CXCL14: variants seen among roughly 807,000 people sequenced by gnomAD.
CXCL14 encodes C-X-C motif chemokine 14.
CXCL14 carries 9 observed loss-of-function variants against 16.1 expected under a neutral mutation model. The observed-to-expected ratio is 0.56, with a 90% CI of 0.34 to 0.97. CXCL14 has a LOEUF of 0.97. Among genes scored for constraint, CXCL14 ranks in the 50% least tolerant of loss-of-function variants. The probability of loss-of-function intolerance (pLI) is 0.02; values close to 1 mark genes in which losing one functional copy is unlikely to be tolerated. For missense variants in CXCL14, 111 were observed against 132.5 expected (o/e 0.84, Z 0.80); for synonymous variants, 55 against 52.8 (o/e 1.04, Z -0.18).
intron 3 of CXCL14, 69 bp downstream of exon 3, chr5:135,574,503 G>A: frequency 7.9e-7 from 1 of 1,264,576 alleles, no homozygotes; most frequent in Non-Finnish European, 1.1e-6. Flanking sequence ...CTGGTGGGGG[G>A]GTCCCTTCCC....
intron 3 of CXCL14, among the ~76,000 whole-genome samples, chr5:135,572,237 C>CG (rs1751040757): frequency 6.6e-6 from 1 of 152,182 alleles, no homozygotes; most frequent in African/African-American, 2.4e-5. Context: ...TCTAGCATGG[C>CG]GGGCTGCTCC....
rs1751030901 is a variant in CXCL14 at position 135,571,722 on chromosome 5, ATGCC to A, written c.*127_*130del. 1.2e-6 allele frequency: 1 copy of A among 854,216 alleles called. No homozygotes were observed. The highest frequency in any genetic ancestry group is 3.0e-5 in the East Asian group (1 of 32,952). 52.9% of individuals were successfully genotyped at this position (854,216 alleles called of 1,614,324 possible). Reference sequence around the variant, plus strand: ...CATAACAATATATAATTTGTGTCTTATGCCTGTGAGAAAGAAAGGCTTTTTTTTT... The same window carrying A: ...CATAACAATATATAATTTGTGTCTTATGTGAGAAAGAAAGGCTTTTTTTTT... On this transcript the variant is annotated 3_prime_UTR_variant, in exon 4 of 4. Coordinates refer to ENST00000512158, the MANE Select transcript of CXCL14 (RefSeq NM_004887.5).
At chr5:135,576,996 G>T (rs1751110933) in intron 2 of CXCL14, among the ~76,000 whole-genome samples, 1 of 152,132 alleles carries the variant, frequency 6.6e-6, no homozygotes, top group Non-Finnish European at 1.5e-5. Context: ...ATCTCCTGAG[G>T]CCCCTGCACG....
intron 2 of CXCL14, 63 bp downstream of exon 2, chr5:135,578,371 C>T (rs948930491): frequency 7.3e-7 from 1 of 1,376,696 alleles, no homozygotes; most frequent in South Asian, 1.2e-5. Context: ...CAGGCCCAGG[C>T]TGTGCCCTGG....
chr5:135,574,415 G>A (rs1050280687), intron 3 of CXCL14, among the ~76,000 whole-genome samples, 157 bp downstream of exon 3: 18 of 152,210 alleles, frequency 1.2e-4, no homozygotes, highest in Admixed American at 1.0e-3. Flanking sequence ...GTCCCTGGGG[G>A]TATGTAAGCA....
intron 3 of CXCL14, among the ~76,000 whole-genome samples, chr5:135,573,969 A>T (rs2126864792): frequency 6.6e-6 from 1 of 152,270 alleles, no homozygotes; most frequent in Middle Eastern, 3.4e-3. Context: ...TGGTCTTAAC[A>T]CTGCTGCCCG....
At chr5:135,578,577 C>A in intron 1 of CXCL14, 38 bp from the exon 2 acceptor site, 2 of 1,604,694 alleles carry the variant, frequency 1.2e-6, no homozygotes, top group Non-Finnish European at 1.7e-6. Flanking sequence ...AGTTGCTAGG[C>A]GGTCTCCTGC....
At chr5:135,573,140 T>C (rs1161084866) in intron 3 of CXCL14, among the ~76,000 whole-genome samples, 1 of 151,928 alleles carries the variant, frequency 6.6e-6, no homozygotes, top group Non-Finnish European at 1.5e-5. Context: ...AAGGTTTGAG[T>C]ATCCCCCAGC....
chr5:135,571,405 C>T lies in CXCL14; in HGVS notation c.*448G>A, dbSNP rs527483479. ...AGAGCCCGTGGCAGCTGTGCCGAGGCGCCAGGACCTCTAAGCGGAAGCTTC... is the reference window on the plus strand; with the variant it reads ...AGAGCCCGTGGCAGCTGTGCCGAGGTGCCAGGACCTCTAAGCGGAAGCTTC... On this transcript the variant is annotated 3_prime_UTR_variant, in exon 4 of 4. Coordinates refer to ENST00000512158, the MANE Select transcript of CXCL14 (RefSeq NM_004887.5). 7.1e-4 allele frequency: 114 copies of T among 160,878 alleles called. 1 individual carries two copies. The highest frequency in any genetic ancestry group is 6.1e-4 in the Non-Finnish European group (45 of 74,220). 10.0% of individuals were successfully genotyped at this position (160,878 alleles called of 1,614,324 possible).
intron 3 of CXCL14, among the ~76,000 whole-genome samples, chr5:135,572,316 G>C (rs1751041892): frequency 6.6e-6 from 1 of 152,172 alleles, no homozygotes; most frequent in Admixed American, 6.5e-5. Flanking sequence ...AAGGGTGGGA[G>C]GCATTCCCTT....
At chr5:135,572,270 C>T (rs570273032) in intron 3 of CXCL14, among the ~76,000 whole-genome samples, 14 of 152,336 alleles carry the variant, frequency 9.2e-5, no homozygotes, top group African/African-American at 2.4e-4. Context: ...TTTCTTTCCG[C>T]GTCTGTACTC....
chr5:135,576,514 T>A (rs539778673), intron 2 of CXCL14, among the ~76,000 whole-genome samples: 2 of 152,276 alleles, frequency 1.3e-5, no homozygotes, highest in South Asian at 4.1e-4. Flanking sequence ...ATACTGGGAT[T>A]ATGAAAATCG....
At chr5:135,574,825 G>T in intron 2 of CXCL14, 140 bp from the exon 3 acceptor site, 3 of 680,426 alleles carry the variant, frequency 4.4e-6, no homozygotes, top group South Asian at 3.5e-5. Context: ...GAGCCGACTT[G>T]TGTGCTCACT....
Position 135,578,951 on chromosome 5 carries a change from C to A in CXCL14, c.-173G>T, listed in dbSNP as rs1373511846. On this transcript the variant is annotated 5_prime_UTR_variant, in exon 1 of 4. Coordinates refer to ENST00000512158, the MANE Select transcript of CXCL14 (RefSeq NM_004887.5). Reference sequence around the variant, plus strand: ...GGTGGATGCCCAGGGCTGTCTGTGGCCGTGCGCTGCGCTCTGCGCTTGTCT... The same window carrying A: ...GGTGGATGCCCAGGGCTGTCTGTGGACGTGCGCTGCGCTCTGCGCTTGTCT... 3 of 638,598 alleles carry A rather than the reference C, an allele frequency of 4.7e-6. No homozygotes were observed. The highest frequency in any genetic ancestry group is 7.4e-6 in the Non-Finnish European group (3 of 402,700). 39.6% of individuals were successfully genotyped at this position (638,598 alleles called of 1,614,324 possible).
intron 3 of CXCL14, 47 bp downstream of exon 3, chr5:135,574,525 C>G: frequency 6.5e-7 from 1 of 1,534,040 alleles, no homozygotes; most frequent in Non-Finnish European, 9.0e-7. Flanking sequence ...TCCTGAGAGC[C>G]ACAGCTGGGT....
In CXCL14 at chr5:135,578,792, G is replaced by A. The variant is rs1320464883; in HGVS notation, c.-14C>T. The A allele has an allele frequency of 2.6e-6, 4 of 1,535,430 alleles. No individual in the cohort carries two copies. ...CAGGAGCCTCATGCTGACCGGAGGG[G>A]CGCGGCGTGGGAGCAGGGACATGGG... On this transcript the variant is annotated 5_prime_UTR_variant, in exon 1 of 4. Transcript: ENST00000512158.
intron 2 of CXCL14, among the ~76,000 whole-genome samples, chr5:135,575,558 C>G (rs1580694204): frequency 6.6e-6 from 1 of 152,312 alleles, no homozygotes; most frequent in Admixed American, 6.5e-5. Context: ...TTAGAAAGTA[C>G]CCAGGACCTG....
rs1286247095 is a variant in CXCL14 at position 135,576,189 on chromosome 5, G to A, written c.171-1504C>T. ...CCAGGTGATGGTGCCTGCCTTGACT[G>A]GACTCCTCTGTGACTCCGGGTCATT... On this transcript the variant is annotated intron_variant, in intron 2 of 3. Transcript: ENST00000512158. Among the ~76,000 whole-genome samples the A allele has an allele frequency of 2.6e-5, 4 of 152,294 alleles. No individual in the cohort carries two copies. The South Asian group carries it at 6.2e-4, about 24-fold the overall frequency.
intron 2 of CXCL14, among the ~76,000 whole-genome samples, chr5:135,576,144 G>A (rs1426463667): frequency 6.6e-6 from 1 of 152,160 alleles, no homozygotes; most frequent in East Asian, 1.9e-4. Flanking sequence ...TTGGGGCAGG[G>A]GCGGGTCTTC....
Sources: allele counts gnomAD v4.1 joint callset (sites outside exome capture counted in the v4.1 genomes callset), GRCh38; gene constraint gnomAD v4.1.1; transcripts MANE v1.5; gene names NCBI Gene and HGNC (gene_info 2026-07-23, HGNC 2026-07-21).